SLC47A1: variants seen among roughly 807,000 people sequenced by gnomAD.
SLC47A1 encodes solute carrier family 47 member 1.
In SLC47A1, 58 loss-of-function variants were observed where a neutral mutation model predicts 65.8. That is an observed-to-expected ratio of 0.88 (90% CI 0.71 to 1.10). SLC47A1 has a LOEUF of 1.10. Among genes scored for constraint, SLC47A1 ranks in the 50% least tolerant of loss-of-function variants. SLC47A1 has a pLI of 0.00. For synonymous variants in SLC47A1, 285 were observed against 295.0 expected (o/e 0.97, Z 0.35); for missense variants, 706 against 719.2 (o/e 0.98, Z 0.21).
intron 5 of SLC47A1, among the ~76,000 whole-genome samples, 160 bp from the exon 6 acceptor site, chr17:19,551,264 C>T (rs374142047): frequency 6.6e-6 from 1 of 152,200 alleles, no homozygotes; most frequent in Admixed American, 6.5e-5. Context: ...GCCATAACAC[C>T]CTGGCCCCAG....
In SLC47A1 at chr17:19,542,465, G is replaced by C. The variant is rs1332865075; in HGVS notation, c.208G>C (p.Glu70Gln). The C allele has an allele frequency of 1.2e-6, 2 of 1,612,656 alleles. No homozygotes were observed. Among genetic ancestry groups the C allele is most frequent in the Admixed American group, 1.7e-5 (1 of 59,646 alleles). The change falls in exon 2 of 17, where the codon GAG becomes CAG. Residue 70 changes from glutamate (E) to glutamine (Q), a missense_variant. By Grantham distance (29) the Glu-to-Gln change is conservative (BLOSUM62 2). Transcript: ENST00000270570. ...GTTCTGTGGCCACCTGGGCAAGCTG[G>C]AGCTGGATGCAGTCACGCTGGCAAT... ...SVFCGHLGKL[E>Q]LDAVTLAIAV...
Position 19,567,179 on chromosome 17 carries a change from C to G in SLC47A1, c.1260C>G (p.Gly420=). The change falls in exon 14 of 17, where the codon GGC becomes GGG. Residue 420 remains glycine, a synonymous_variant. Coordinates refer to ENST00000270570, the MANE Select transcript of SLC47A1 (RefSeq NM_018242.3). ...ATACCATTGGGTACTATGTGGTTGGCCTCCCCATCGGGATCGCGCTGATGT... is the reference window on the plus strand; with the variant it reads ...ATACCATTGGGTACTATGTGGTTGGGCTCCCCATCGGGATCGCGCTGATGT... ...IVNTIGYYVV[G]LPIGIALMFA... is the part of the protein sequence containing the mutation. 6.2e-7 allele frequency: 1 copy of G among 1,614,174 alleles called. No homozygotes were observed. The highest frequency in any genetic ancestry group is 8.5e-7 in the Non-Finnish European group (1 of 1,180,026).
chr17:19,560,032 G>A, intron 10 of SLC47A1, 156 bp from the exon 11 acceptor site: 1 of 602,850 alleles, frequency 1.7e-6, no homozygotes, highest in Non-Finnish European at 2.9e-6. Context: ...TAGCGTGGGA[G>A]TTCCCGGCTA....
rs148857984 is a variant in SLC47A1 at position 19,555,287 on chromosome 17, C to T, written c.619C>T (p.His207Tyr). The change falls in exon 7 of 17, where the codon CAT becomes TAT. Residue 207 changes from histidine (H) to tyrosine (Y), a missense_variant. His to Tyr is a moderately conservative substitution (Grantham distance 83). Coordinates refer to ENST00000270570, the MANE Select transcript of SLC47A1 (RefSeq NM_018242.3). Reference sequence around the variant, plus strand: ...TGCCCTCGCCAACTATCTGTTTCTCCATCAACTGCATCTTGGGGTGATGTG... The same window carrying T: ...TGCCCTCGCCAACTATCTGTTTCTCTATCAACTGCATCTTGGGGTGATGTG... The part of the protein sequence containing the change: ...VNALANYLFL[H>Y]QLHLGVIGSA... 5.6e-6 allele frequency: 9 copies of T among 1,614,098 alleles called. No homozygotes were observed. Among genetic ancestry groups the T allele is most frequent in the Non-Finnish European group, 7.6e-6 (9 of 1,180,034 alleles).
chr17:19,555,899 C>T lies in SLC47A1; in HGVS notation c.843C>T (p.Ser281=), dbSNP rs747991279. 3 of 1,613,958 alleles carry T rather than the reference C, an allele frequency of 1.9e-6. No individual in the cohort carries two copies. ...AGTGGTGGGCCTATGAGGTCGGGAG[C>T]TTCCTCAGTGGTCTGTATGAGGATG... ...CMEWWAYEVG[S]FLSGILGMVE... Residue 281 remains serine, a synonymous_variant, in exon 9 of 17, where the codon AGC becomes AGT. Transcript: ENST00000270570.
At chr17:19,564,274 C>T (rs926422083) in intron 12 of SLC47A1, among the ~76,000 whole-genome samples, 1 of 151,870 alleles carries the variant, frequency 6.6e-6, no homozygotes, top group Non-Finnish European at 1.5e-5. Flanking sequence ...TCACTTGAGC[C>T]TGAGAGGTTG....
rs8076893 is a variant in SLC47A1 at position 19,551,415 on chromosome 17, C to T, written c.499-9C>T. 1.7e-3 allele frequency: 2,749 copies of T among 1,600,634 alleles called. 38 individuals carry two copies. The African/African-American group carries it at 0.033, about 19-fold the overall frequency. ...AACATTAACATTCATCTCTCTTGTT[C>T]TCTTGTAGGCAACCTTTCTTTATAT... On this transcript the variant is annotated splice_polypyrimidine_tract_variant and intron_variant, in intron 5 of 16. Transcript: ENST00000270570.
In SLC47A1 at chr17:19,548,037, C is replaced by T. The variant is rs748037764; in HGVS notation, c.359C>T (p.Ala120Val). 6.8e-6 allele frequency: 11 copies of T among 1,614,098 alleles called. No individual in the cohort carries two copies. Among genetic ancestry groups the T allele is most frequent in the East Asian group, 4.5e-5 (2 of 44,878 alleles). ...GTGGGCGTGATCCTGCAGCGGAGTG[C>T]GCTCGTCCTGCTCCTCTGCTGCTTC... ...KHVGVILQRS[A>V]LVLLLCCFPC... The change falls in exon 4 of 17, where the codon GCG becomes GTG. Residue 120 changes from alanine to valine, a missense_variant. Transcript: ENST00000270570.
At position 19,556,061 on chromosome 17, in the gene SLC47A1, T is replaced by C; in HGVS notation, c.920T>C (p.Met307Thr). 1 of 1,613,806 alleles carries C rather than the reference T, an allele frequency of 6.2e-7. No homozygotes were observed. Among genetic ancestry groups the C allele is most frequent in the African/African-American group, 1.3e-5 (1 of 75,030 alleles). ...IVYELAIIVY[M>T]VPAGFSVAAS... ...TATGAACTGGCCATCATTGTGTACATGGTAAGCAGGGGAGCCGATCATGGG... is the reference window on the plus strand; with the variant it reads ...TATGAACTGGCCATCATTGTGTACACGGTAAGCAGGGGAGCCGATCATGGG... Residue 307 changes from methionine to threonine, a missense_variant and splice_region_variant, in exon 10 of 17, where the codon ATG (methionine) becomes ACG (threonine). Coordinates refer to ENST00000270570, the MANE Select transcript of SLC47A1 (RefSeq NM_018242.3).
At chr17:19,562,920 AC>A (rs2084324699) in intron 12 of SLC47A1, among the ~76,000 whole-genome samples, 2 of 152,114 alleles carry the variant, frequency 1.3e-5, no homozygotes, top group Admixed American at 1.3e-4. Flanking sequence ...GGGGCGGGAA[AC>A]GGCACCTCTA....
At chr17:19,557,479 T>C in intron 10 of SLC47A1, 1 of 432,800 alleles carries the variant, frequency 2.3e-6, no homozygotes, top group Non-Finnish European at 4.7e-6. Flanking sequence ...GTTTCAATAT[T>C]AACAACTCTT....
chr17:19,556,113 G>A (rs769296436), intron 10 of SLC47A1, 51 bp downstream of exon 10: 1 of 1,592,546 alleles, frequency 6.3e-7, no homozygotes, highest in Non-Finnish European at 8.6e-7. Flanking sequence ...TCCTTGCTTG[G>A]TATCTGAAAG....
intron 5 of SLC47A1, 43 bp from the exon 6 acceptor site, chr17:19,551,381 C>T: frequency 6.5e-7 from 1 of 1,548,822 alleles, no homozygotes; most frequent in Non-Finnish European, 8.9e-7. Flanking sequence ...TTCTGTGTGG[C>T]AAGGCTGAAA....
chr17:19,560,573 G>T (rs2084301502), intron 12 of SLC47A1, 80 bp downstream of exon 12: 3 of 1,411,112 alleles, frequency 2.1e-6, no homozygotes, highest in East Asian at 4.6e-5. Flanking sequence ...TCTAAAATCA[G>T]GCTGTTCAGA....
intron 12 of SLC47A1, among the ~76,000 whole-genome samples, chr17:19,565,354 T>C (rs1005278957): frequency 2.0e-5 from 3 of 152,156 alleles, no homozygotes; most frequent in African/African-American, 7.2e-5. Context: ...TGTGGCATCA[T>C]CTTAAAAGAA....
In SLC47A1 at chr17:19,549,703, C is replaced by G. The variant is rs368326848; in HGVS notation, c.498+26C>G. 31 of 1,613,516 alleles carry G rather than the reference C, an allele frequency of 1.9e-5. No homozygotes were observed. In the African/African-American group the frequency reaches 3.6e-4, roughly 19 times the overall value. ...GTAAGTGCTCAAGGGCTAAGAGATT[C>G]CCTTCTTGGGGTCCGTGGGTGAAAG... On this transcript the variant is annotated intron_variant, in intron 5 of 16. Transcript: ENST00000270570.
intron 10 of SLC47A1, among the ~76,000 whole-genome samples, chr17:19,559,857 C>CAA (rs58568427): frequency 2.7e-4 from 40 of 146,480 alleles, no homozygotes; most frequent in African/African-American, 8.7e-4. Context: ...AAAACAAAAA[C>CAA]AAAAAAAAAA....
chr17:19,543,252 G>GGC (rs1916198835), intron 2 of SLC47A1, among the ~76,000 whole-genome samples: 1 of 151,758 alleles, frequency 6.6e-6, no homozygotes, highest in African/African-American at 2.4e-5. Flanking sequence ...TGGTACTACA[G>GGC]GTGCCTGCCA....
At chr17:19,563,761 G>T (rs2084334152) in intron 12 of SLC47A1, among the ~76,000 whole-genome samples, 1 of 143,724 alleles carries the variant, frequency 7.0e-6, no homozygotes, top group Non-Finnish European at 1.5e-5. Flanking sequence ...GGCCGAGGTG[G>T]GTAGATCACG....
Sources: allele counts gnomAD v4.1 joint callset (sites outside exome capture counted in the v4.1 genomes callset), GRCh38; gene constraint gnomAD v4.1.1; transcripts MANE v1.5; gene names NCBI Gene and HGNC (gene_info 2026-07-23, HGNC 2026-07-21).